ANKRD42: variants seen among roughly 807,000 people sequenced by gnomAD.
The protein encoded by ANKRD42 is ankyrin repeat domain-containing protein 42.
In ANKRD42, 43 loss-of-function variants were observed where a neutral mutation model predicts 51.5. The ratio of observed to expected loss-of-function variants is 0.83; its 90% CI spans 0.65 to 1.08. The LOEUF (loss-of-function observed/expected upper bound fraction) is 1.08. ANKRD42 is among the 50% of genes least tolerant of loss of function. ANKRD42 has a pLI of 0.00. For missense variants in ANKRD42, 608 were observed against 629.3 expected (o/e 0.97, Z 0.36); for synonymous variants, 203 against 213.0 (o/e 0.95, Z 0.41).
chr11:83,259,568 C>T (rs1004296937), downstream of ANKRD42: 8 of 151,966 alleles, frequency 5.3e-5, no homozygotes, highest in African/African-American at 1.9e-4. Flanking sequence ...CCTTTCCATT[C>T]TGGGTTGTGA....
intron 2 of ANKRD42, among the ~76,000 whole-genome samples, chr11:83,203,721 A>T (rs765544414): frequency 6.6e-6 from 1 of 151,822 alleles, no homozygotes; most frequent in Non-Finnish European, 1.5e-5. Context: ...CTACGTTAAC[A>T]CCTTTACAGT....
chr11:83,209,575 C>G, intron 3 of ANKRD42: 10 of 945,818 alleles, frequency 1.1e-5, no homozygotes, highest in Non-Finnish European at 1.2e-5. Flanking sequence ...ATTATATGAT[C>G]CATGAACCAG....
chr11:83,220,844 A>G (rs1862698549), intron 5 of ANKRD42, among the ~76,000 whole-genome samples: 1 of 151,868 alleles, frequency 6.6e-6, no homozygotes, highest in Non-Finnish European at 1.5e-5. Context: ...GAGTTTGATT[A>G]TTTATTATAT....
At chr11:83,231,475 G>A (rs1315053448) in intron 7 of ANKRD42, among the ~76,000 whole-genome samples, 6 of 152,132 alleles carry the variant, frequency 3.9e-5, no homozygotes, top group Non-Finnish European at 5.9e-5. Context: ...TGTCAGGTGG[G>A]TAGTTTGCAA....
chr11:83,240,878 G>A lies in ANKRD42; in HGVS notation c.1139G>A (p.Ser380Asn). 6.2e-7 allele frequency: 1 copy of A among 1,605,234 alleles called. No individual in the cohort carries two copies. The highest frequency in any genetic ancestry group is 8.5e-7 in the Non-Finnish European group (1 of 1,171,998). ...KYFIRHGVEG[S>N]TDAKDDLCLS... Reference sequence around the variant, plus strand: ...TTTATAAGACATGGTGTTGAGGGAAGCACTGATGCCAAGGATGATTTATGT... The same window carrying A: ...TTTATAAGACATGGTGTTGAGGGAAACACTGATGCCAAGGATGATTTATGT... Residue 380 changes from serine (S) to asparagine (N), a missense_variant, in exon 9 of 11, where the codon AGC becomes AAC. Ser to Asn is a conservative substitution (Grantham distance 46). Coordinates refer to ENST00000533342, the MANE Select transcript of ANKRD42 (RefSeq NM_001300975.2).
At chr11:83,240,288 A>C (rs2135549598) in intron 8 of ANKRD42, among the ~76,000 whole-genome samples, 1 of 152,338 alleles carries the variant, frequency 6.6e-6, no homozygotes, top group African/African-American at 2.4e-5. Flanking sequence ...GCCGTACCAA[A>C]TGCTTTGGCT....
chr11:83,208,222 G>A (rs1017081681), intron 3 of ANKRD42, among the ~76,000 whole-genome samples: 1 of 151,950 alleles, frequency 6.6e-6, no homozygotes, highest in African/African-American at 2.4e-5. Flanking sequence ...TGGGAGGGGG[G>A]GGTCTCCCTA....
intron 5 of ANKRD42, among the ~76,000 whole-genome samples, chr11:83,218,477 C>T (rs1162661593): frequency 6.6e-6 from 1 of 152,190 alleles, no homozygotes; most frequent in Non-Finnish European, 1.5e-5. Flanking sequence ...TCCTTCCATG[C>T]TAGATCAGAG....
Position 83,194,510 on chromosome 11 carries a change from G to T in ANKRD42, c.-161G>T, listed in dbSNP as rs759774731. 1 of 741,506 alleles carries T rather than the reference G, an allele frequency of 1.3e-6. No homozygotes were observed. The highest frequency in any genetic ancestry group is 1.5e-5 in the South Asian group (1 of 68,164). 45.9% of individuals were successfully genotyped at this position (741,506 alleles called of 1,614,324 possible). On this transcript the variant is annotated 5_prime_UTR_variant, in exon 1 of 11. Coordinates refer to ENST00000533342, the MANE Select transcript of ANKRD42 (RefSeq NM_001300975.2). ...AGTGAAGACGAAGGTTTCCGCTGCA[G>T]CTTCTGGGAGAGAGCAAGAGAGGAC...
At chr11:83,249,935 C>T (rs1329076272), downstream of ANKRD42, among the ~76,000 whole-genome samples, 5 of 152,206 alleles carry the variant, frequency 3.3e-5, no homozygotes, top group East Asian at 1.9e-4. Context: ...GTTTCTAGCA[C>T]GCAGAGGTAT....
chr11:83,223,945 C>CT (rs201525854), intron 5 of ANKRD42, among the ~76,000 whole-genome samples: 3,301 of 135,682 alleles, frequency 0.024, 40 homozygotes, highest in South Asian at 0.06. Flanking sequence ...AGATTCATTC[C>CT]TTTTTTTTTT....
Position 83,248,586 on chromosome 11 carries a change from A to T in ANKRD42, c.*382A>T. 1 of 988,996 alleles carries T rather than the reference A, an allele frequency of 1.0e-6. No homozygotes were observed. Among genetic ancestry groups the T allele is most frequent in the African/African-American group, 1.7e-5 (1 of 57,494 alleles). 61.3% of individuals were successfully genotyped at this position (988,996 alleles called of 1,614,324 possible). A position where few individuals can be genotyped will look rare whatever the true frequency, so the allele number is the denominator to read the frequency against. On this transcript the variant is annotated 3_prime_UTR_variant, in exon 11 of 11. Transcript: ENST00000533342. ...TAGGGAAGTTTCTTCATCAATCATC[A>T]TGGATGAATTAATTCTGTTTGAGGC...
intron 7 of ANKRD42, among the ~76,000 whole-genome samples, chr11:83,229,661 A>T (rs953721376): frequency 1.3e-5 from 2 of 152,164 alleles, no homozygotes; most frequent in Admixed American, 1.3e-4. Context: ...TGTTTTTAAT[A>T]TAGATGTTGG....
chr11:83,197,701 C>A (rs1861712396), intron 1 of ANKRD42, among the ~76,000 whole-genome samples: 1 of 152,138 alleles, frequency 6.6e-6, no homozygotes, highest in South Asian at 2.1e-4. Context: ...TGCTTAGATA[C>A]CTTTATTGCC....
chr11:83,264,065 T>C (rs1036996619), downstream of ANKRD42, among the ~76,000 whole-genome samples: 1 of 152,204 alleles, frequency 6.6e-6, no homozygotes, highest in African/African-American at 2.4e-5. Context: ...AGTTGTTATA[T>C]AGAAATACTA....
At position 83,226,224 on chromosome 11, in the gene ANKRD42, CACAT is replaced by C. The variant is rs766774335; in HGVS notation, c.787+1173_787+1176del. Among the ~76,000 whole-genome samples, 1,160 of 152,014 alleles carry C rather than the reference CACAT, an allele frequency of 7.6e-3. 4 individuals carry two copies. The highest frequency in any genetic ancestry group is 0.013 in the Non-Finnish European group (885 of 67,928). ...ATATGTACACATACACACACACACACACATACACACACACATACACACACACAAC... is the reference window on the plus strand; with the variant it reads ...ATATGTACACATACACACACACACACACACACACACATACACACACACAAC... On this transcript the variant is annotated intron_variant, in intron 6 of 10. Transcript: ENST00000533342.
chr11:83,236,560 G>C (rs781510170), intron 8 of ANKRD42, 51 bp downstream of exon 8: 2 of 1,454,380 alleles, frequency 1.4e-6, no homozygotes, highest in Non-Finnish European at 1.9e-6. Flanking sequence ...AAAGTTTTGC[G>C]TATACTTTTT....
intron 6 of ANKRD42, 82 bp downstream of exon 6, chr11:83,225,137 G>T: frequency 1.6e-5 from 20 of 1,250,376 alleles, no homozygotes; most frequent in Non-Finnish European, 2.2e-5. Flanking sequence ...CAATGAAATA[G>T]GAAAAGATAT....
At chr11:83,210,728 C>CT (rs938307768) in intron 4 of ANKRD42, among the ~76,000 whole-genome samples, 1 of 152,124 alleles carries the variant, frequency 6.6e-6, no homozygotes, top group Non-Finnish European at 1.5e-5. Flanking sequence ...GATTGTAAAT[C>CT]TTTATGAATT....
Sources: allele counts gnomAD v4.1 joint callset (sites outside exome capture counted in the v4.1 genomes callset), GRCh38; gene constraint gnomAD v4.1.1; transcripts MANE v1.5; gene names NCBI Gene and HGNC (gene_info 2026-07-23, HGNC 2026-07-21).